GMPPB: variants seen among roughly 807,000 people sequenced by gnomAD.
The protein encoded by GMPPB is GDP-mannose pyrophosphorylase B.
A neutral mutation model predicts 40.3 loss-of-function variants in GMPPB; 38 were observed. The observed-to-expected ratio is 0.94, with a 90% CI of 0.73 to 1.24. The LOEUF is 1.24. GMPPB is among the 50% of genes most tolerant of loss of function. GMPPB has a pLI of 0.00. For missense variants in GMPPB, 436 were observed against 487.1 expected (o/e 0.90, Z 0.99); for synonymous variants, 193 against 191.8 (o/e 1.01, Z -0.05).
In GMPPB at chr3:49,722,097, G is replaced by A. The variant is rs774498980; in HGVS notation, c.819C>T (p.Ser273=). ...CTTCGACCACCACGCCAGGTCCCAG[G>A]CTCACATTGGGGCCAATGCTGCAGT... is the stretch of plus-strand genomic sequence containing the variant. ...GQNCSIGPNV[S]LGPGVVVEDG... Residue 273 remains serine (S), a synonymous_variant, in exon 8 of 9, where the codon AGC becomes AGT. Transcript: ENST00000308388. 2 of 1,613,562 alleles carry A rather than the reference G, an allele frequency of 1.2e-6. No individual in the cohort carries two copies. Among genetic ancestry groups the A allele is most frequent in the Admixed American group, 1.7e-5 (1 of 60,028 alleles).
Position 49,720,430 on chromosome 3 carries a change from C to A in GMPPB, c.*1322G>T. 1 of 1,394,550 alleles carries A rather than the reference C, an allele frequency of 7.2e-7. No homozygotes were observed. Among genetic ancestry groups the A allele is most frequent in the Non-Finnish European group, 9.6e-7 (1 of 1,045,530 alleles). The allele number at this position is 1,394,550 out of a possible 1,614,324, so 86.4% of individuals were successfully genotyped here. A position where few individuals can be genotyped will look rare whatever the true frequency, so the allele number is the denominator to read the frequency against. On this transcript the variant is annotated 3_prime_UTR_variant, in exon 9 of 9. Coordinates refer to ENST00000308388, the MANE Select transcript of GMPPB (RefSeq NM_021971.4). ...GGGGGTGATCATGTACGAGCCATGGCACTCCTCATTGGCAATCCCAAGAGA... is the reference window on the plus strand; with the variant it reads ...GGGGGTGATCATGTACGAGCCATGGAACTCCTCATTGGCAATCCCAAGAGA...
At position 49,723,115 on chromosome 3, in the gene GMPPB, C is replaced by G. The variant is rs886039382; in HGVS notation, c.260-1G>C. The G allele has an allele frequency of 6.2e-7, 1 of 1,613,896 alleles. No individual in the cohort carries two copies. Among genetic ancestry groups the G allele is most frequent in the Non-Finnish European group, 8.5e-7 (1 of 1,179,906 alleles). On this transcript the variant is annotated splice_acceptor_variant, in intron 3 of 8. Coordinates refer to ENST00000308388, the MANE Select transcript of GMPPB (RefSeq NM_021971.4). LOFTEE classifies it high-confidence loss of function. ...TCACGGGCCAGCGCCAGGGGCCCAG[C>G]TGGGGGAAGGGGACAGGTCACCACC... is the stretch of plus-strand genomic sequence containing the variant.
chr3:49,720,931 G>T lies in GMPPB; in HGVS notation c.*821C>A. The T allele has an allele frequency of 6.2e-7, 1 of 1,612,008 alleles. No individual in the cohort carries two copies. The highest frequency in any genetic ancestry group is 8.5e-7 in the Non-Finnish European group (1 of 1,178,170). The stretch of plus-strand genomic sequence containing the variant: ...CACGGTGCACAGGTCCATGCCACTT[G>T]AATATGTGTGCACTCCTACACAGGC... On this transcript the variant is annotated 3_prime_UTR_variant, in exon 9 of 9. Transcript: ENST00000308388.
chr3:49,722,808 A>C, intron 4 of GMPPB, 54 bp from the exon 5 acceptor site: 1 of 1,569,234 alleles, frequency 6.4e-7, no homozygotes, highest in Non-Finnish European at 8.7e-7. Flanking sequence ...AAGCCTTGAT[A>C]CACATGCCGT....
intron 4 of GMPPB, 104 bp downstream of exon 4, chr3:49,722,868 C>T (rs1264070293): frequency 1.3e-6 from 2 of 1,498,410 alleles, no homozygotes; most frequent in Non-Finnish European, 1.8e-6. Context: ...ACATACTGCA[C>T]AGCTCTGTAT....
chr3:49,720,520 A>C lies in GMPPB; in HGVS notation c.*1232T>G, dbSNP rs775412033. ...ACCCTCCCCTACCTAGGAGAGAGCA[A>C]GCCACATCAGTGCTCCTGGCAGATC... On this transcript the variant is annotated 3_prime_UTR_variant, in exon 9 of 9. Coordinates refer to ENST00000308388, the MANE Select transcript of GMPPB (RefSeq NM_021971.4). 1.9e-6 allele frequency: 3 copies of C among 1,593,056 alleles called. No homozygotes were observed. The East Asian group carries it at 6.7e-5, about 36-fold the overall frequency.
In GMPPB at chr3:49,720,450, AAG is replaced by A; in HGVS notation, c.*1300_*1301del. 4 of 1,491,562 alleles carry A rather than the reference AAG, an allele frequency of 2.7e-6. No homozygotes were observed. Among genetic ancestry groups the A allele is most frequent in the Admixed American group, 2.3e-5 (1 of 44,106 alleles). 92.4% of individuals were successfully genotyped at this position (1,491,562 alleles called of 1,614,324 possible). A position where few individuals can be genotyped will look rare whatever the true frequency, so the allele number is the denominator to read the frequency against. On this transcript the variant is annotated 3_prime_UTR_variant, in exon 9 of 9. Coordinates refer to ENST00000308388, the MANE Select transcript of GMPPB (RefSeq NM_021971.4). ...CATGGCACTCCTCATTGGCAATCCCAAGAGAGACTTTTAGCCAGGCCCCAAGC... is the reference window on the plus strand; with the variant it reads ...CATGGCACTCCTCATTGGCAATCCCAAGAGACTTTTAGCCAGGCCCCAAGC...
Position 49,721,709 on chromosome 3 carries a change from G to A in GMPPB, c.*43C>T, listed in dbSNP as rs1347008449. 1 of 1,551,682 alleles carries A rather than the reference G, an allele frequency of 6.4e-7. No homozygotes were observed. The highest frequency in any genetic ancestry group is 8.7e-7 in the Non-Finnish European group (1 of 1,148,854). ...GATGTGTCAGGCCAGCACTCCCCTT[G>A]CTGATGGGAAAACCGGGGCTCGGCC... On this transcript the variant is annotated 3_prime_UTR_variant, in exon 9 of 9. Transcript: ENST00000308388.
Position 49,721,965 on chromosome 3 carries a change from C to A in GMPPB, c.951G>T (p.Trp317Cys). 1 of 1,613,076 alleles carries A rather than the reference C, an allele frequency of 6.2e-7. No individual in the cohort carries two copies. The highest frequency in any genetic ancestry group is 8.5e-7 in the Non-Finnish European group (1 of 1,179,564). Residue 317 changes from tryptophan (W) to cysteine (C), a missense_variant and splice_region_variant, in exon 8 of 9, where the codon TGG becomes TGT. By Grantham distance (215) the Trp-to-Cys change is radical. Coordinates refer to ENST00000308388, the MANE Select transcript of GMPPB (RefSeq NM_021971.4). ...CACCCAGCCCAGCCCACAGGCTTACCCACTGACCCACGCGGCAGCGCCAGC... is the reference window on the plus strand; with the variant it reads ...CACCCAGCCCAGCCCACAGGCTTACACACTGACCCACGCGGCAGCGCCAGC... ...IVGWRCRVGQ[W>C]VRMENVTVLG...
In GMPPB at chr3:49,721,848, G is replaced by T; in HGVS notation, c.987C>A (p.Asp329Glu). The T allele has an allele frequency of 1.2e-6, 2 of 1,613,794 alleles. No individual in the cohort carries two copies. Among genetic ancestry groups the T allele is most frequent in the Admixed American group, 1.7e-5 (1 of 60,020 alleles). The change falls in exon 9 of 9, where the codon GAC (aspartate) becomes GAA (glutamate). Residue 329 changes from aspartate to glutamate, a missense_variant. Coordinates refer to ENST00000308388, the MANE Select transcript of GMPPB (RefSeq NM_021971.4). The stretch of plus-strand genomic sequence containing the variant: ...GGTAGAGCTCATCATTAACTATGAC[G>T]TCCTCACCCAGCACTGTCACGTTCT... ...RMENVTVLGEDVIVNDELYLN... is the reference protein window; with the variant it reads ...RMENVTVLGEEVIVNDELYLN...
Position 49,721,470 on chromosome 3 carries a change from T to C in GMPPB, c.*282A>G, listed in dbSNP as rs758914199. ...GTGGGAGCCCAGCCATGGCCCTAATTGTGCCTGAGCTTGACTTTCAGTCAG... is the reference window on the plus strand; with the variant it reads ...GTGGGAGCCCAGCCATGGCCCTAATCGTGCCTGAGCTTGACTTTCAGTCAG... On this transcript the variant is annotated 3_prime_UTR_variant, in exon 9 of 9. Transcript: ENST00000308388. 1.0e-6 allele frequency: 1 copy of C among 990,432 alleles called. No homozygotes were observed. Among genetic ancestry groups the C allele is most frequent in the Non-Finnish European group, 1.6e-6 (1 of 620,104 alleles). 61.4% of individuals were successfully genotyped at this position (990,432 alleles called of 1,614,324 possible).
rs539632278 is a variant in GMPPB at position 49,723,312 on chromosome 3, A to G, written c.211-10T>C. ...AGATTCGGATTCCCAGCTGGAAGGA[A>G]GAGGCCCCCCCAGTCAGGTTCTACC... On this transcript the variant is annotated splice_polypyrimidine_tract_variant and intron_variant, in intron 2 of 8. Transcript: ENST00000308388. 1.9e-6 allele frequency: 3 copies of G among 1,614,186 alleles called. No homozygotes were observed. Among genetic ancestry groups the G allele is most frequent in the Admixed American group, 1.7e-5 (1 of 60,022 alleles).
At position 49,723,753 on chromosome 3, in the gene GMPPB, C is replaced by A. The variant is rs1476917631; in HGVS notation, c.-27G>T. 1.3e-6 allele frequency: 2 copies of A among 1,564,976 alleles called. No homozygotes were observed. Among genetic ancestry groups the A allele is most frequent in the East Asian group, 4.5e-5 (2 of 44,532 alleles). On this transcript the variant is annotated 5_prime_UTR_variant, in exon 1 of 9. Coordinates refer to ENST00000308388, the MANE Select transcript of GMPPB (RefSeq NM_021971.4). ...GCGCCTGCGGACGTTGAGGGGGTGT[C>A]CCGGGCTCTGAGGTGCCTGCAGCCC...
Sources: allele counts gnomAD v4.1 joint callset, GRCh38; gene constraint gnomAD v4.1.1; transcripts MANE v1.5; gene names NCBI Gene and HGNC (gene_info 2026-07-23, HGNC 2026-07-21).